Variants in NAV1 observed in about 807,000 individuals in gnomAD.
NAV1 encodes the protein pore membrane and/or filament interacting like protein 3.
A neutral mutation model predicts 175.2 loss-of-function variants in NAV1; 18 were observed. The ratio of observed to expected loss-of-function variants is 0.10; its 90% confidence interval spans 0.07 to 0.15. The LOEUF is 0.15. Ranked by LOEUF, NAV1 falls within the 10% of genes least tolerant of loss-of-function variation. NAV1 has a pLI of 1.00. For synonymous variants in NAV1, 897 were observed against 978.7 expected, an observed-to-expected ratio of 0.92 and a Z score of 1.56; for missense variants, 1,731 against 2,436.6, an observed-to-expected ratio of 0.71 and a Z score of 6.10.
rs1011980237 is a variant in NAV1, at chr1:201,650,302, G to A, written c.757+877G>A. Among the ~76,000 whole-genome samples the A allele has an allele frequency of 8.5e-5, 13 of 152,360 alleles. 1 individual carries two copies. Among genetic ancestry groups the A allele is most frequent in the African/African-American group, 3.1e-4 (13 of 41,590 alleles). On this transcript the variant is annotated intron_variant, in intron 1 of 29. Transcript: ENST00000367296. ...CCCGGAACTGCTCTTTCTCTCCCCG[G>A]AGAGCCCCTGCCCTCAGAGAGGAAT...
chr1:201,814,505 A>T (rs189991597), intron 28 of NAV1, among the ~76,000 whole-genome samples: 198 of 152,344 alleles, frequency 1.3e-3, no homozygotes, highest in Non-Finnish European at 1.7e-3. Context: ...TTCCAGCACT[A>T]ATAAACTGTG....
chr1:201,599,551 T>C (rs1667460666), intron 2 of NAV1, among the ~76,000 whole-genome samples: 1 of 152,188 alleles, frequency 6.6e-6, no homozygotes, highest in Non-Finnish European at 1.5e-5. Flanking sequence ...TCTCTGGCAG[T>C]TCAGAGTCTG....
chr1:201,734,799 C>T (rs901856594), intron 3 of NAV1, among the ~76,000 whole-genome samples: 1 of 152,058 alleles, frequency 6.6e-6, no homozygotes, highest in Non-Finnish European at 1.5e-5. Flanking sequence ...TCTCCCCTAC[C>T]CCTTCCTATG....
Position 201,740,802 on chromosome 1 carries a change from T to TG in NAV1, c.1226+22048dup, listed in dbSNP as rs1299071039. Among the ~76,000 whole-genome samples the TG allele has an allele frequency of 6.6e-6, 1 of 151,752 alleles. No homozygotes were observed. Among genetic ancestry groups the TG allele is most frequent in the Non-Finnish European group, 1.5e-5 (1 of 67,930 alleles). ...GGCTCCTTCATAAAGGGGAAGTGAG[T>TG]GTAACCACAGCTGGCCCTGGGACTC... On this transcript the variant is annotated intron_variant, in intron 3 of 29. Transcript: ENST00000367296. This position sits in a 1 kb window ranked among gnomAD's most constrained non-coding sequence, Gnocchi z 4.7.
intron 2 of NAV1, among the ~76,000 whole-genome samples, chr1:201,617,909 A>G (rs752472277): frequency 7.9e-5 from 12 of 152,182 alleles, no homozygotes; most frequent in Non-Finnish European, 1.3e-4. Context: ...TGGGGCAGAA[A>G]AAGTTCCCCT....
At chr1:201,643,020 C>T (rs1019492124) in intron 2 of NAV1, among the ~76,000 whole-genome samples, 98 of 151,808 alleles carry the variant, frequency 6.5e-4, no homozygotes, top group Non-Finnish European at 7.4e-5. Context: ...GTGATCCGTC[C>T]GCCTTGGCCT....
chr1:201,804,224 T>C (rs1335874041), intron 16 of NAV1, among the ~76,000 whole-genome samples: 1 of 152,192 alleles, frequency 6.6e-6, no homozygotes, highest in East Asian at 1.9e-4. Flanking sequence ...GGTTTTTTTC[T>C]CTTGCATAAT....
At chr1:201,654,557 G>A (rs777583290) in intron 1 of NAV1, among the ~76,000 whole-genome samples, 79 of 152,018 alleles carry the variant, frequency 5.2e-4, no homozygotes, top group Admixed American at 2.2e-3. Flanking sequence ...GCTGCTCCAC[G>A]TGGTGCAAGG....
chr1:201,668,421 C>T (rs879529479), intron 1 of NAV1, among the ~76,000 whole-genome samples: 1 of 152,178 alleles, frequency 6.6e-6, no homozygotes, highest in Non-Finnish European at 1.5e-5. Flanking sequence ...AACCGTGTGC[C>T]ATGGACTGGG....
chr1:201,691,261 C>G (rs1670925659), intron 1 of NAV1, among the ~76,000 whole-genome samples: 1 of 152,188 alleles, frequency 6.6e-6, no homozygotes, highest in Non-Finnish European at 1.5e-5. Flanking sequence ...CCCTGAGGGG[C>G]AACATCTCTG....
chr1:201,604,286 A>G (rs1667606952), intron 2 of NAV1, among the ~76,000 whole-genome samples: 1 of 152,056 alleles, frequency 6.6e-6, no homozygotes, highest in African/African-American at 2.4e-5. Flanking sequence ...GAATTCCTGG[A>G]CTCAAGTCAT....
At chr1:201,661,053 G>A (rs1455680266) in intron 1 of NAV1, among the ~76,000 whole-genome samples, 1 of 152,200 alleles carries the variant, frequency 6.6e-6, no homozygotes, top group Admixed American at 6.5e-5. Context: ...AAGCCTAAAG[G>A]AGGCTAAGCA....
chr1:201,645,376 G>A (rs1370101252), upstream of NAV1, among the ~76,000 whole-genome samples: 1 of 122,264 alleles, frequency 8.2e-6, no homozygotes, highest in African/African-American at 3.2e-5. Flanking sequence ...ACAGGAAGGG[G>A]AACATCACAC....
Position 201,720,717 on chromosome 1 carries a change from G to T in NAV1, c.1226+1962G>T, listed in dbSNP as rs113296433. ...TCAGGGTTCTGATGAGGATTCAATG[G>T]GTTAATATATGTAAAGTACTTAGAA... is the stretch of plus-strand genomic sequence containing the variant. On this transcript the variant is annotated intron_variant, in intron 3 of 29. Coordinates refer to ENST00000367296, the Ensembl canonical transcript of NAV1. Among the ~76,000 whole-genome samples the T allele has an allele frequency of 6.6e-3, 1,004 of 152,270 alleles. 9 individuals are homozygous for T. The highest frequency in any genetic ancestry group is 0.023 in the African/African-American group (949 of 41,542).
chr1:201,551,050 G>A lies in NAV1; in HGVS notation c.-144+11708G>A, dbSNP rs1367888941. On this transcript the variant is annotated intron_variant, in intron 1 of 33. Transcript: ENST00000685211. ...CATGGCAACCTTATGAGGTGGGCAG[G>A]ACAAATATTTCCCTTTCTGTAGATG... Among the ~76,000 whole-genome samples, 6 of 152,322 alleles carry A rather than the reference G, an allele frequency of 3.9e-5. No homozygotes were observed. The East Asian group carries it at 1.2e-3, about 29-fold the overall frequency.
At chr1:201,689,023 A>G (rs1050629450) in intron 1 of NAV1, among the ~76,000 whole-genome samples, 1 of 152,204 alleles carries the variant, frequency 6.6e-6, no homozygotes, top group African/African-American at 2.4e-5. Flanking sequence ...TCAGTTATCA[A>G]ATTAACCAGG....
intron 8 of NAV1, among the ~76,000 whole-genome samples, chr1:201,785,902 C>T (rs1323722830): frequency 2.0e-5 from 3 of 146,498 alleles, no homozygotes; most frequent in Non-Finnish European, 4.5e-5. Context: ...AAGCGATTCT[C>T]CTGCCTCAGC....
At chr1:201,591,517 G>C (rs1008482273) in intron 2 of NAV1, among the ~76,000 whole-genome samples, 1 of 152,206 alleles carries the variant, frequency 6.6e-6, no homozygotes, top group Non-Finnish European at 1.5e-5. Context: ...AGCAGGCCTG[G>C]CATATAGAAG....
intron 2 of NAV1, among the ~76,000 whole-genome samples, chr1:201,607,982 A>T (rs1667737262): frequency 6.6e-6 from 1 of 151,126 alleles, no homozygotes; most frequent in Admixed American, 6.6e-5. Context: ...TAGTGGGGTG[A>T]TAACTTGATA....
Sources: gnomAD v4.1 joint callset for allele counts (sites outside exome capture counted in the v4.1 genomes callset) on GRCh38, gnomAD v4.1.1 for gene constraint, Gnocchi (gnomAD v3.1) non-coding constraint, MANE v1.5 for transcripts, NCBI Gene and HGNC (gene_info 2026-07-23, HGNC 2026-07-21) for gene names.